Variants in FGF12 observed in about 807,000 individuals in gnomAD.
FGF12 encodes fibroblast growth factor 12B.
A neutral mutation model predicts 23.6 loss-of-function variants in FGF12; 14 were observed. That is an observed-to-expected ratio of 0.59 (90% CI 0.39 to 0.93). The LOEUF is 0.93. FGF12 is among the 40% of genes least tolerant of loss of function. The pLI, the probability that FGF12 is intolerant of heterozygous loss-of-function variation, is 0.00. For missense variants in FGF12, 175 were observed against 217.8 expected, an observed-to-expected ratio of 0.80 and a Z score of 1.24; for synonymous variants, 62 against 77.3, an observed-to-expected ratio of 0.80 and a Z score of 1.04.
intron 2 of FGF12, among the ~76,000 whole-genome samples, chr3:192,591,706 G>A (rs1335736209): frequency 6.6e-6 from 1 of 151,898 alleles, no homozygotes; most frequent in Non-Finnish European, 1.5e-5. Flanking sequence ...ACAGGAAAGG[G>A]GATGGTATAG....
chr3:192,437,026 G>T (rs1032871410), intron 2 of FGF12, among the ~76,000 whole-genome samples: 1 of 152,196 alleles, frequency 6.6e-6, no homozygotes, highest in Admixed American at 6.5e-5. Flanking sequence ...GTTTAAGGAC[G>T]AGAGTGATAT....
At chr3:192,352,021 C>T (rs1334205194) in intron 3 of FGF12, among the ~76,000 whole-genome samples, 4 of 151,130 alleles carry the variant, frequency 2.6e-5, no homozygotes, top group South Asian at 2.1e-4. Flanking sequence ...ACCTATATCA[C>T]TACATATTTT....
chr3:192,397,651 T>C (rs1314632500), intron 2 of FGF12, among the ~76,000 whole-genome samples: 1 of 152,232 alleles, frequency 6.6e-6, no homozygotes, highest in Non-Finnish European at 1.5e-5. Flanking sequence ...AATGAACCTT[T>C]TCTGTTGCGG....
At chr3:192,618,301 T>C (rs1289395345) in intron 2 of FGF12, among the ~76,000 whole-genome samples, 1 of 151,870 alleles carries the variant, frequency 6.6e-6, no homozygotes, top group Non-Finnish European at 1.5e-5. Flanking sequence ...AGAATGCTAC[T>C]GCTGATAGAA....
At chr3:192,376,389 T>C (rs1488896536) in intron 2 of FGF12, among the ~76,000 whole-genome samples, 3 of 152,012 alleles carry the variant, frequency 2.0e-5, no homozygotes, top group Admixed American at 6.6e-5. Context: ...TGAGACTGAG[T>C]TTCACTCTTG....
At chr3:192,376,645 A>C (rs1576925460) in intron 2 of FGF12, among the ~76,000 whole-genome samples, 1 of 152,336 alleles carries the variant, frequency 6.6e-6, no homozygotes, top group East Asian at 1.9e-4. Flanking sequence ...TACAGGCGTG[A>C]GCCACCGCGC....
chr3:192,389,669 G>C (rs1422655486), intron 2 of FGF12, among the ~76,000 whole-genome samples: 1 of 152,010 alleles, frequency 6.6e-6, no homozygotes, highest in Non-Finnish European at 1.5e-5. Flanking sequence ...TAATAAAAAG[G>C]CATTCTCTTA....
At chr3:192,222,860 T>G (rs1428542388) in intron 4 of FGF12, among the ~76,000 whole-genome samples, 1 of 152,126 alleles carries the variant, frequency 6.6e-6, no homozygotes, top group Non-Finnish European at 1.5e-5. Context: ...CTTTCATTAC[T>G]TATTCTGCAA....
chr3:192,274,355 G>A (rs1269601090), intron 4 of FGF12, among the ~76,000 whole-genome samples: 1 of 152,124 alleles, frequency 6.6e-6, no homozygotes, highest in Non-Finnish European at 1.5e-5. Context: ...TGTAGAGTAA[G>A]CCATACCAAA....
chr3:192,614,572 A>G (rs1011192011), intron 2 of FGF12, among the ~76,000 whole-genome samples: 1 of 152,018 alleles, frequency 6.6e-6, no homozygotes, highest in African/African-American at 2.4e-5. Flanking sequence ...TGAACAGAGA[A>G]TAGTGTGTTT....
intron 2 of FGF12, among the ~76,000 whole-genome samples, chr3:192,694,250 T>C (rs1718035892): frequency 6.6e-6 from 1 of 152,154 alleles, no homozygotes; most frequent in African/African-American, 2.4e-5. Context: ...TAAAAAATGT[T>C]GGCAAGGGTG....
At chr3:192,551,893 C>A (rs1413398398) in intron 2 of FGF12, among the ~76,000 whole-genome samples, 1 of 151,738 alleles carries the variant, frequency 6.6e-6, no homozygotes, top group African/African-American at 2.4e-5. Context: ...ATAAACAAAT[C>A]CCAACATGAT....
chr3:192,515,770 G>A (rs1057133330), intron 2 of FGF12, among the ~76,000 whole-genome samples: 1 of 151,858 alleles, frequency 6.6e-6, no homozygotes, highest in African/African-American at 2.4e-5. Context: ...CCGCCCCGAT[G>A]ACCAAACAGC....
At chr3:192,401,772 C>T (rs1000823855) in intron 2 of FGF12, among the ~76,000 whole-genome samples, 2 of 152,190 alleles carry the variant, frequency 1.3e-5, no homozygotes, top group Non-Finnish European at 2.9e-5. Context: ...CTGTACCCCT[C>T]TCCCCTTGTT....
intron 4 of FGF12, among the ~76,000 whole-genome samples, chr3:192,184,992 G>A (rs1426563771): frequency 6.6e-6 from 1 of 152,136 alleles, no homozygotes; most frequent in Non-Finnish European, 1.5e-5. Flanking sequence ...ACAATTTATA[G>A]TTATTTCATT....
chr3:192,168,035 G>T (rs551407348), intron 5 of FGF12, among the ~76,000 whole-genome samples: 1 of 151,856 alleles, frequency 6.6e-6, no homozygotes, highest in East Asian at 1.9e-4. Context: ...AAAGTCCTGG[G>T]ATTACAGGCG....
chr3:192,354,085 T>C (rs534439658), intron 3 of FGF12, among the ~76,000 whole-genome samples: 5 of 152,226 alleles, frequency 3.3e-5, no homozygotes, highest in South Asian at 2.1e-4. Flanking sequence ...TGGTATTGTA[T>C]AGAAAACATA....
intron 2 of FGF12, among the ~76,000 whole-genome samples, chr3:192,537,950 C>CTTTTTTTTTTTTTTTT (rs370317111): frequency 1.9e-4 from 23 of 121,374 alleles, no homozygotes; most frequent in African/African-American, 2.7e-4. Flanking sequence ...AGCCTTTAAC[C>CTTTTTTTTTTTTTTTT]TTTTTTTTTT....
chr3:192,283,962 G>T (rs1364371683), intron 4 of FGF12, among the ~76,000 whole-genome samples: 1 of 152,038 alleles, frequency 6.6e-6, no homozygotes, highest in African/African-American at 2.4e-5. Context: ...AAAGCTGAAT[G>T]CATAAGAACA....
Sources: gnomAD v4.1 joint callset for allele counts (sites outside exome capture counted in the v4.1 genomes callset) on GRCh38, gnomAD v4.1.1 for gene constraint, MANE v1.5 for transcripts, NCBI Gene and HGNC (gene_info 2026-07-23, HGNC 2026-07-21) for gene names.